The following AARS2 variants were observed in gnomAD, a reference collection of about 807,000 sequenced individuals.
AARS2 encodes the protein alanyl-tRNA synthetase 2, mitochondrial, also known as alanine--tRNA ligase, mitochondrial.
In AARS2, 78 loss-of-function variants were observed where a neutral mutation model predicts 119.7. The ratio of observed to expected loss-of-function variants is 0.65; its 90% CI spans 0.54 to 0.79. The LOEUF (loss-of-function observed/expected upper bound fraction) is 0.79, where lower values mean the gene tolerates loss of function less well. AARS2 is among the 30% of genes least tolerant of loss of function. The pLI, the probability that AARS2 is intolerant of heterozygous loss-of-function variation, is 0.00. For missense variants in AARS2, 1,157 were observed against 1,291.3 expected, an observed-to-expected ratio of 0.90 and a Z score of 1.59; for synonymous variants, 502 against 526.3, an observed-to-expected ratio of 0.95 and a Z score of 0.63.
At chr6:44,304,070 G>A (rs1785606490) in intron 14 of AARS2, 111 bp downstream of exon 14, 1 of 1,505,944 alleles carries the variant, frequency 6.6e-7, no homozygotes, top group Non-Finnish European at 9.1e-7. Context: ...TGATTGGGTG[G>A]CCGTGCTGGG....
Position 44,300,139 on chromosome 6 carries a change from C to G in AARS2, c.*408G>C, listed in dbSNP as rs780339845. 49 of 250,528 alleles carry G rather than the reference C, an allele frequency of 2.0e-4. No homozygotes were observed. The highest frequency in any genetic ancestry group is 2.9e-4 in the Non-Finnish European group (37 of 125,920). The allele number at this position is 250,528 out of a possible 1,614,324, so 15.5% of individuals were successfully genotyped here. A position where few individuals can be genotyped will look rare whatever the true frequency, so the allele number is the denominator to read the frequency against. ...GGACTACAGGCGTGTGCCACCACAC[C>G]CGGCTAATTTTTTGTATTTTTAGTA... On this transcript the variant is annotated 3_prime_UTR_variant, in exon 22 of 22. Transcript: ENST00000244571.
In AARS2 at chr6:44,299,871, A is replaced by T. The variant is rs1348049135; in HGVS notation, c.*676T>A. On this transcript the variant is annotated 3_prime_UTR_variant, in exon 22 of 22. Coordinates refer to ENST00000244571, the MANE Select transcript of AARS2 (RefSeq NM_020745.4). ...TGGCAATGAAGATGGCCCGATTTGG[A>T]TCCTGGGTGGCCTTTCAGACAGTGT... 1 of 152,742 alleles carries T rather than the reference A, an allele frequency of 6.5e-6. No individual in the cohort carries two copies. The highest frequency in any genetic ancestry group is 1.5e-5 in the Non-Finnish European group (1 of 68,612). The allele number at this position is 152,742 out of a possible 1,614,324, so 9.5% of individuals were successfully genotyped here. A position where few individuals can be genotyped will look rare whatever the true frequency, so the allele number is the denominator to read the frequency against.
At chr6:44,306,856 A>G in intron 7 of AARS2, 67 bp downstream of exon 7, 1 of 1,460,924 alleles carries the variant, frequency 6.8e-7, no homozygotes, top group South Asian at 1.1e-5. Context: ...GGCACTGTCT[A>G]GGCTCAGTGG....
rs576704345 is a variant in AARS2 at position 44,299,326 on chromosome 6, C to G, written c.*1221G>C. Among the ~76,000 whole-genome samples the G allele has an allele frequency of 1.3e-5, 2 of 152,076 alleles. No individual in the cohort carries two copies. Among genetic ancestry groups the G allele is most frequent in the Non-Finnish European group, 2.9e-5 (2 of 68,028 alleles). On this transcript the variant is annotated 3_prime_UTR_variant, in exon 22 of 22. Transcript: ENST00000244571. ...GCAGTGGTGCAATCATAGCTCACTG[C>G]GGCCTTGAATTCCTGGGCAAAGTGA...
chr6:44,302,754 C>A, intron 17 of AARS2, 48 bp downstream of exon 17: 1 of 1,561,362 alleles, frequency 6.4e-7, no homozygotes, highest in South Asian at 1.1e-5. Context: ...TGCGTGTGTC[C>A]CATGCACCCA....
At chr6:44,300,804 C>CAGTG (rs1785290367) in intron 21 of AARS2, 93 bp from the exon 22 acceptor site, 1 of 1,482,362 alleles carries the variant, frequency 6.7e-7, no homozygotes, top group Non-Finnish European at 9.2e-7. Context: ...TGAAGGTCAT[C>CAGTG]AGTGCCCCCT....
chr6:44,312,523 G>A (rs1786455542), intron 1 of AARS2, among the ~76,000 whole-genome samples: 1 of 152,152 alleles, frequency 6.6e-6, no homozygotes, highest in Admixed American at 6.5e-5. Context: ...AAAGAAGGAG[G>A]AATGTGTTGG....
Position 44,300,402 on chromosome 6 carries a change from G to A in AARS2, c.*145C>T, listed in dbSNP as rs916510673. On this transcript the variant is annotated 3_prime_UTR_variant, in exon 22 of 22. Coordinates refer to ENST00000244571, the MANE Select transcript of AARS2 (RefSeq NM_020745.4). ...AGCCCATGTCTCCTTGTGTCACGTA[G>A]GCCCTGGCCCAGGTGATCTTCTTTG... 107 of 1,174,866 alleles carry A rather than the reference G, an allele frequency of 9.1e-5. No homozygotes were observed. The highest frequency in any genetic ancestry group is 1.3e-4 in the Non-Finnish European group (101 of 798,548). 72.8% of individuals were successfully genotyped at this position (1,174,866 alleles called of 1,614,324 possible).
intron 5 of AARS2, among the ~76,000 whole-genome samples, chr6:44,309,255 C>T (rs1786144700): frequency 6.6e-6 from 1 of 152,176 alleles, no homozygotes; most frequent in Non-Finnish European, 1.5e-5. Context: ...GTCCAGTCAC[C>T]CCTACTGCCC....
chr6:44,311,095 G>GC lies in AARS2; in HGVS notation c.647dup (p.Cys218LeufsTer6), dbSNP rs587777589. On this transcript the variant is annotated frameshift_variant, in exon 4 of 22. Transcript: ENST00000244571. LOFTEE classifies it high-confidence loss of function. ...GGATCTCAGTACAGGGCCCACAAGG[G>GC]CCAGTATCCCCCATCTCCCAGAAGT... 148 of 1,613,962 alleles carry GC rather than the reference G, an allele frequency of 9.2e-5. No homozygotes were observed. Among genetic ancestry groups the GC allele is most frequent in the Non-Finnish European group, 1.2e-4 (144 of 1,180,048 alleles).
At position 44,306,282 on chromosome 6, in the gene AARS2, G is replaced by T. The variant is rs779336897; in HGVS notation, c.1298C>A (p.Pro433His). 6.2e-7 allele frequency: 1 copy of T among 1,614,082 alleles called. No homozygotes were observed. The highest frequency in any genetic ancestry group is 8.5e-7 in the Non-Finnish European group (1 of 1,179,942). ...LRTLGPSDMF[P>H]AEVAWSLSLC... is the part of the protein sequence containing the mutation. Reference sequence around the variant, plus strand: ...CATGGGCTAGGTATCCTGCTTACCAGGGAACATATCTGAAGGCCCCAGGGT... The same window carrying T: ...CATGGGCTAGGTATCCTGCTTACCATGGAACATATCTGAAGGCCCCAGGGT... The change falls in exon 9 of 22, where the codon CCT (proline) becomes CAT (histidine). Residue 433 changes from proline (P) to histidine (H), a missense_variant and splice_region_variant. Coordinates refer to ENST00000244571, the MANE Select transcript of AARS2 (RefSeq NM_020745.4).
At chr6:44,302,977 T>C (rs1785487715) in intron 16 of AARS2, 67 bp from the exon 17 acceptor site, 1 of 1,602,716 alleles carries the variant, frequency 6.2e-7, no homozygotes, top group Non-Finnish European at 8.5e-7. Context: ...CCAGCGTGCA[T>C]CTCCCATTAA....
chr6:44,306,542 G>C lies in AARS2; in HGVS notation c.1150-10C>G. The C allele has an allele frequency of 6.2e-7, 1 of 1,614,126 alleles. No individual in the cohort carries two copies. Among genetic ancestry groups the C allele is most frequent in the Non-Finnish European group, 8.5e-7 (1 of 1,180,014 alleles). The stretch of plus-strand genomic sequence containing the variant: ...CTGGATAAGCATCTCCCTGGGGGAG[G>C]TGGAGAGGGCTGAGGAGGTGTGAAA... On this transcript the variant is annotated splice_polypyrimidine_tract_variant and intron_variant, in intron 7 of 21. Coordinates refer to ENST00000244571, the MANE Select transcript of AARS2 (RefSeq NM_020745.4).
In AARS2 at chr6:44,301,405, G is replaced by T. The variant is rs758434921; in HGVS notation, c.2658C>A (p.Asp886Glu). 1 of 1,613,974 alleles carries T rather than the reference G, an allele frequency of 6.2e-7. No homozygotes were observed. The highest frequency in any genetic ancestry group is 1.7e-5 in the Admixed American group (1 of 60,018). ...CTGAGAGAGACTCAGCAGAGACTGT[G>T]TCCACAATCAGAGGCCCCTTCGAGT... ...ERHSKGPLIV[D>E]TVSAESLSVL... Residue 886 changes from aspartate (D) to glutamate (E), a missense_variant, in exon 20 of 22, where the codon GAC (aspartate) becomes GAA (glutamate). Asp to Glu is a conservative substitution (Grantham distance 45). Transcript: ENST00000244571.
chr6:44,305,542 C>G lies in AARS2; in HGVS notation c.1434+111G>C. The G allele has an allele frequency of 6.5e-7, 1 of 1,539,502 alleles. No individual in the cohort carries two copies. The highest frequency in any genetic ancestry group is 8.9e-7 in the Non-Finnish European group (1 of 1,119,732). Reference sequence around the variant, plus strand: ...AAACCTCCCAGGTGAGGGGACAGATCCTATCTCAGCCTCTTGATTCCTCTC... The same window carrying G: ...AAACCTCCCAGGTGAGGGGACAGATGCTATCTCAGCCTCTTGATTCCTCTC... On this transcript the variant is annotated intron_variant, in intron 10 of 21. Transcript: ENST00000244571. The surrounding 1 kb of genome is among the most constrained non-coding windows in gnomAD (Gnocchi z 4.6).
In AARS2 at chr6:44,300,671, G is replaced by C. The variant is rs769894604; in HGVS notation, c.2834C>G (p.Ala945Gly). The change falls in exon 22 of 22, where the codon GCA (alanine) becomes GGA (glycine). Residue 945 changes from alanine (A) to glycine (G), a missense_variant. Transcript: ENST00000244571. ...PTFTAEAWALAVCSHMGGKAW... is the reference protein window; with the variant it reads ...PTFTAEAWALGVCSHMGGKAW... Reference sequence around the variant, plus strand: ...CTTGCCCCCCATGTGGCTGCACACTGCCAGTGCCCAGGCCTCTGCTGTGAA... The same window carrying C: ...CTTGCCCCCCATGTGGCTGCACACTCCCAGTGCCCAGGCCTCTGCTGTGAA... 26 of 1,613,486 alleles carry C rather than the reference G, an allele frequency of 1.6e-5. No homozygotes were observed. The highest frequency in any genetic ancestry group is 2.7e-5 in the African/African-American group (2 of 74,940).
chr6:44,302,322 AG>A (rs1361864800), intron 18 of AARS2, 68 bp downstream of exon 18: 12 of 1,613,276 alleles, frequency 7.4e-6, no homozygotes, highest in Non-Finnish European at 1.0e-5. Context: ...GAGAGTCTGA[AG>A]GAGTCCAGGG....
rs148411369 is a variant in AARS2 at position 44,307,386 on chromosome 6, C to A, written c.903G>T (p.Arg301Ser). 1.1e-4 allele frequency: 177 copies of A among 1,603,498 alleles called. No individual in the cohort carries two copies. The highest frequency in any genetic ancestry group is 1.5e-4 in the Non-Finnish European group (175 of 1,176,012). Residue 301 changes from arginine (R) to serine (S), a missense_variant, in exon 6 of 22, where the codon AGG becomes AGT. Physicochemically the swap from Arg to Ser is moderately radical, Grantham distance 110 (BLOSUM62 -1). Coordinates refer to ENST00000244571, the MANE Select transcript of AARS2 (RefSeq NM_020745.4). This position sits in a 1 kb window ranked among gnomAD's most constrained non-coding sequence, Gnocchi z 4.4. ...CTACTCGGCCCAAGTAAGGGGGTGC[C>A]CTGCAGCCCTGGGAAGCAGAAGAGT... The part of the protein sequence containing the change: ...PLLNAIQQGC[R>S]APPYLGRVGV...
chr6:44,304,984 C>A (rs1785710910), intron 11 of AARS2, 70 bp downstream of exon 11: 1 of 1,613,184 alleles, frequency 6.2e-7, no homozygotes, highest in South Asian at 1.1e-5. Flanking sequence ...CTAGCAGCAA[C>A]CATCTTGGAC....
Sources: gnomAD v4.1 joint callset for allele counts (sites outside exome capture counted in the v4.1 genomes callset) on GRCh38, gnomAD v4.1.1 for gene constraint, Gnocchi (gnomAD v3.1) non-coding constraint, MANE v1.5 for transcripts, NCBI Gene and HGNC (gene_info 2026-07-23, HGNC 2026-07-21) for gene names.